Variants in TENM1 observed in about 807,000 individuals in gnomAD.
TENM1 encodes the protein teneurin-1.
Under a neutral mutation model 174.8 loss-of-function variants are expected in TENM1, and 35 were observed. The ratio of observed to expected loss-of-function variants is 0.20; its 90% CI spans 0.15 to 0.27. The LOEUF is 0.27. Ranked by LOEUF, TENM1 falls within the 10% of genes least tolerant of loss-of-function variation. The pLI is 1.00. For missense variants in TENM1, 1,633 were observed against 2,130.1 expected, an observed-to-expected ratio of 0.77 and a Z score of 4.59; for synonymous variants, 781 against 798.7, an observed-to-expected ratio of 0.98 and a Z score of 0.37.
intron 11 of TENM1, among the ~76,000 whole-genome samples, chrX:124,595,666 T>G (rs1602746967): frequency 8.9e-6 from 1 of 112,069 alleles, no homozygotes; most frequent in African/African-American, 3.2e-5. Flanking sequence ...AAACTCTTAT[T>G]TAGGTTTTAA....
intron 3 of TENM1, among the ~76,000 whole-genome samples, chrX:124,807,235 G>T (rs111485128): frequency 2.0e-3 from 228 of 111,802 alleles, no homozygotes; most frequent in African/African-American, 6.7e-3. Flanking sequence ...TCCAACATTG[G>T]GGATTACATT....
At chrX:124,451,840 T>A (rs2061039861) in intron 23 of TENM1, among the ~76,000 whole-genome samples, 1 of 111,855 alleles carries the variant, frequency 8.9e-6, no homozygotes, top group South Asian at 3.7e-4. Flanking sequence ...TGAAACTGGA[T>A]CCCTTCCTTA....
chrX:125,045,626 C>T, the TENM1 span, among the ~76,000 whole-genome samples: 6 of 111,634 alleles, frequency 5.4e-5, no homozygotes, highest in African/African-American at 1.9e-4. Context: ...ATTCAGGATT[C>T]AGAAAACCCA....
chrX:124,626,713 T>G (rs2050644254), intron 11 of TENM1, among the ~76,000 whole-genome samples: 1 of 112,137 alleles, frequency 8.9e-6, no homozygotes, highest in Admixed American at 9.5e-5. Flanking sequence ...AGAATGGTGG[T>G]GGATCCTATT....
intron 5 of TENM1, among the ~76,000 whole-genome samples, chrX:124,696,540 C>CCTCT (rs1488600357): frequency 9.0e-6 from 1 of 110,638 alleles, no homozygotes; most frequent in Non-Finnish European, 1.9e-5. Flanking sequence ...CTCTCTCTCT[C>CCTCT]CTCTCTCTCT....
intron 3 of TENM1, among the ~76,000 whole-genome samples, chrX:124,753,850 T>C (rs1033912239): frequency 2.7e-5 from 3 of 111,787 alleles, no homozygotes; most frequent in Admixed American, 9.5e-5. Flanking sequence ...CACTTGATCA[T>C]GGTGGATAAG....
the TENM1 span, among the ~76,000 whole-genome samples, chrX:124,992,862 T>C: frequency 8.9e-6 from 1 of 111,895 alleles, no homozygotes; most frequent in African/African-American, 3.2e-5. Context: ...TTCTGAAGGC[T>C]GCCATATATA....
At chrX:124,581,089 G>GACAGAGCA (rs1280143279) in intron 11 of TENM1, among the ~76,000 whole-genome samples, 1 of 93,845 alleles carries the variant, frequency 1.1e-5, no homozygotes, top group Non-Finnish European at 2.1e-5. Context: ...TTTTGAGGTG[G>GACAGAGCA]AGTCTTGCTC....
chrX:124,850,802 T>C (rs186084082), intron 3 of TENM1, among the ~76,000 whole-genome samples: 11 of 111,220 alleles, frequency 9.9e-5, no homozygotes, highest in Middle Eastern at 4.7e-3. Context: ...CTAGGATGAA[T>C]GGATGTTAGG....
intron 3 of TENM1, among the ~76,000 whole-genome samples, chrX:124,810,275 G>GC (rs2055730625): frequency 9.0e-6 from 1 of 111,494 alleles, no homozygotes. Flanking sequence ...AAGTTATGTT[G>GC]TTCCTGTTTG....
intron 3 of TENM1, among the ~76,000 whole-genome samples, chrX:124,810,948 A>G (rs1211648467): frequency 8.9e-6 from 1 of 111,740 alleles, no homozygotes; most frequent in African/African-American, 3.2e-5. Context: ...ACAACGGGGA[A>G]AAGACAATCT....
At chrX:124,451,000 C>A (rs111336795) in intron 23 of TENM1, among the ~76,000 whole-genome samples, 1,622 of 112,228 alleles carry the variant, frequency 0.014, 27 homozygotes, top group African/African-American at 0.05. Context: ...AAACTCTCAA[C>A]ATCCACTTTA....
intron 19 of TENM1, among the ~76,000 whole-genome samples, chrX:124,503,027 G>A (rs777452358): frequency 8.9e-6 from 1 of 111,770 alleles, no homozygotes; most frequent in South Asian, 3.7e-4. Flanking sequence ...GTGTGTAGGG[G>A]CTTCAGTACA....
chrX:124,858,895 C>T (rs1300524793), intron 3 of TENM1, among the ~76,000 whole-genome samples: 3 of 110,190 alleles, frequency 2.7e-5, no homozygotes, highest in Non-Finnish European at 5.7e-5. Context: ...GTCATAATGG[C>T]TTGTTCTATA....
chrX:125,051,853 T>A, the TENM1 span, among the ~76,000 whole-genome samples: 1 of 104,008 alleles, frequency 9.6e-6, no homozygotes, highest in Non-Finnish European at 2.0e-5. Flanking sequence ...TGGGATCTAA[T>A]TAAACTAAAG....
intron 3 of TENM1, among the ~76,000 whole-genome samples, chrX:124,852,218 C>T (rs2056733089): frequency 9.0e-6 from 1 of 110,757 alleles, no homozygotes; most frequent in Non-Finnish European, 1.9e-5. Flanking sequence ...AAAGGATAGT[C>T]GTTGAGTTTC....
rs924392580 is a variant in TENM1, at chrX:124,923,108, T to C, written c.218-26867A>G. 2.7e-5 allele frequency among the ~76,000 whole-genome samples: 3 copies of C among 112,154 alleles called. No homozygotes were observed. In the East Asian group the frequency reaches 8.3e-4, roughly 31 times the overall value. ...CCTTGGTATTATTTTTTGCCTACTT[T>C]TCAAATTCTGAGAAATCTGTATTTC... is the stretch of plus-strand genomic sequence containing the variant. On this transcript the variant is annotated intron_variant, in intron 1 of 31. Coordinates refer to ENST00000422452, the Ensembl canonical transcript of TENM1.
chrX:124,607,888 G>T (rs778049766), intron 11 of TENM1, among the ~76,000 whole-genome samples: 33 of 111,195 alleles, frequency 3.0e-4, no homozygotes, highest in African/African-American at 1.0e-3. Flanking sequence ...TCAGATTCTG[G>T]ATATATTTGA....
At chrX:124,395,788 A>G (rs762103599) in intron 27 of TENM1, among the ~76,000 whole-genome samples, 4 of 111,691 alleles carry the variant, frequency 3.6e-5, no homozygotes, top group Non-Finnish European at 7.5e-5. Context: ...CATATCTCCA[A>G]CTGTAATACT....
Sources: gnomAD v4.1 joint callset for allele counts (sites outside exome capture counted in the v4.1 genomes callset) on GRCh38, gnomAD v4.1.1 for gene constraint, MANE v1.5 for transcripts, NCBI Gene and HGNC (gene_info 2026-07-23, HGNC 2026-07-21) for gene names.